The following MACROD2 variants were observed in gnomAD, a reference collection of about 807,000 sequenced individuals.
MACROD2 encodes the protein mono-ADP ribosylhydrolase 2.
In MACROD2, 36 loss-of-function variants were observed where a neutral mutation model predicts 70.4. The ratio of observed to expected loss-of-function variants is 0.51; its 90% CI spans 0.39 to 0.68. The LOEUF (loss-of-function observed/expected upper bound fraction) is 0.68, where lower values mean the gene tolerates loss of function less well. MACROD2 is among the 30% of genes least tolerant of loss of function. MACROD2 has a pLI of 0.00. For missense variants in MACROD2, 496 were observed against 538.4 expected, an observed-to-expected ratio of 0.92 and a Z score of 0.78; for synonymous variants, 172 against 178.8, an observed-to-expected ratio of 0.96 and a Z score of 0.30.
intron 15 of MACROD2, 79 bp downstream of exon 15, chr20:15,987,237 A>T: frequency 3.4e-6 from 4 of 1,159,828 alleles, no homozygotes; most frequent in Non-Finnish European, 5.0e-6. Context: ...CATCAAAGTT[A>T]TTCTCATGCA....
At chr20:14,969,727 T>C (rs965342620) in intron 5 of MACROD2, among the ~76,000 whole-genome samples, 2 of 152,180 alleles carry the variant, frequency 1.3e-5, no homozygotes, top group East Asian at 3.8e-4. Context: ...ATTTTTGAAG[T>C]CTTAAAGAGT....
intron 5 of MACROD2, among the ~76,000 whole-genome samples, chr20:14,721,278 AAAAG>A (rs2071466468): frequency 6.6e-6 from 1 of 151,760 alleles, no homozygotes; most frequent in East Asian, 1.9e-4. Context: ...AAAGAAAAGA[AAAAG>A]AAAAGAATCT....
intron 4 of MACROD2, among the ~76,000 whole-genome samples, chr20:14,680,461 T>C (rs2070918601): frequency 6.6e-6 from 1 of 152,196 alleles, no homozygotes; most frequent in South Asian, 2.1e-4. Flanking sequence ...GGATTTATCA[T>C]AGAACTTAAG....
At chr20:15,157,716 C>A (rs2076319379) in intron 5 of MACROD2, among the ~76,000 whole-genome samples, 1 of 152,098 alleles carries the variant, frequency 6.6e-6, no homozygotes, top group Admixed American at 6.5e-5. Flanking sequence ...CTGGGCTACC[C>A]CAGCCAATGG....
chr20:14,494,093 TA>T (rs1255981926), intron 4 of MACROD2: 13 of 152,112 alleles, frequency 8.5e-5, no homozygotes, highest in African/African-American at 2.9e-4. Context: ...TTTTTGATAC[TA>T]AAATCTTGTA....
intron 3 of MACROD2, among the ~76,000 whole-genome samples, chr20:14,215,337 T>TACACACACACACACAC (rs199684417): frequency 1.4e-4 from 18 of 131,090 alleles, no homozygotes; most frequent in Non-Finnish European, 1.9e-4. Flanking sequence ...CCATCATATA[T>TACACACACACACACAC]ACACACACAC....
intron 3 of MACROD2, among the ~76,000 whole-genome samples, chr20:14,285,238 C>G (rs558600730): frequency 2.6e-5 from 4 of 152,148 alleles, no homozygotes; most frequent in African/African-American, 9.7e-5. Flanking sequence ...AGACCCAAGT[C>G]TAAACACTTA....
At chr20:15,935,433 G>A (rs2065644001) in intron 11 of MACROD2, among the ~76,000 whole-genome samples, 1 of 152,158 alleles carries the variant, frequency 6.6e-6, no homozygotes, top group South Asian at 2.1e-4. Flanking sequence ...CCTAATCAGA[G>A]CTCAGAGAAA....
chr20:14,779,212 C>T (rs1796933697), intron 5 of MACROD2, among the ~76,000 whole-genome samples: 1 of 152,108 alleles, frequency 6.6e-6, no homozygotes, highest in African/African-American at 2.4e-5. Context: ...AGCACGTCCA[C>T]AGCAAATTAT....
intron 4 of MACROD2, among the ~76,000 whole-genome samples, chr20:14,586,805 T>TG (rs1426062077): frequency 6.6e-6 from 1 of 152,068 alleles, no homozygotes; most frequent in Non-Finnish European, 1.5e-5. Context: ...GCTTTTGTTC[T>TG]GTGTCACTGT....
intron 5 of MACROD2, among the ~76,000 whole-genome samples, chr20:15,203,830 CTA>C (rs2076678162): frequency 6.6e-6 from 1 of 151,894 alleles, no homozygotes; most frequent in Non-Finnish European, 1.5e-5. Flanking sequence ...TTTAAAAATC[CTA>C]TGTTAAATTA....
intron 5 of MACROD2, among the ~76,000 whole-genome samples, chr20:15,074,129 G>A (rs1232859977): frequency 1.3e-5 from 2 of 152,084 alleles, no homozygotes; most frequent in South Asian, 4.1e-4. Context: ...CTTTCTATAA[G>A]CTAATGAGTT....
chr20:14,922,486 T>TA (rs1245510315), intron 5 of MACROD2, among the ~76,000 whole-genome samples: 1 of 152,182 alleles, frequency 6.6e-6, no homozygotes, highest in Non-Finnish European at 1.5e-5. Context: ...TTGTTACATC[T>TA]AAAAAACAGT....
At chr20:15,206,089 A>C (rs563027540) in intron 5 of MACROD2, among the ~76,000 whole-genome samples, 1 of 152,302 alleles carries the variant, frequency 6.6e-6, no homozygotes, top group South Asian at 2.1e-4. Flanking sequence ...TGTGATGACA[A>C]GCAAAAGTAA....
intron 4 of MACROD2, among the ~76,000 whole-genome samples, chr20:14,684,485 AGTG>A (rs1335111384): frequency 6.6e-6 from 1 of 152,140 alleles, no homozygotes; most frequent in African/African-American, 2.4e-5. Flanking sequence ...CCCTGTGTTC[AGTG>A]ACATCAAGTT....
Position 14,650,363 on chromosome 20 carries a change from A to G in MACROD2, c.302-34480A>G, listed in dbSNP as rs542886411. Among the ~76,000 whole-genome samples, 7 of 152,336 alleles carry G rather than the reference A, an allele frequency of 4.6e-5. No homozygotes were observed. The South Asian group carries it at 1.5e-3, about 32-fold the overall frequency. ...TTCTTATTTTGTTCAGGTCTAAATGAAATTGATCTTGATCTATTACTTTAC... is the reference window on the plus strand; with the variant it reads ...TTCTTATTTTGTTCAGGTCTAAATGGAATTGATCTTGATCTATTACTTTAC... On this transcript the variant is annotated intron_variant, in intron 4 of 17. Coordinates refer to ENST00000684519, the MANE Select transcript of MACROD2 (RefSeq NM_001351661.2).
rs991354188 is a variant in MACROD2, at chr20:14,461,510, TTTA to T, written c.272-31964_272-31962del. Among the ~76,000 whole-genome samples, 15 of 151,958 alleles carry T rather than the reference TTTA, an allele frequency of 9.9e-5. 1 individual carries two copies. The highest frequency in any genetic ancestry group is 1.6e-4 in the Non-Finnish European group (11 of 67,992). On this transcript the variant is annotated intron_variant, in intron 3 of 17. Coordinates refer to ENST00000684519, the MANE Select transcript of MACROD2 (RefSeq NM_001351661.2). ...CTGTTACTTCTCTAGGTCTTTTTTTTTTATTATACTTTAAGTTTTAGGATACAT... is the reference window on the plus strand; with the variant it reads ...CTGTTACTTCTCTAGGTCTTTTTTTTTTATACTTTAAGTTTTAGGATACAT...
chr20:14,513,039 A>G (rs890013628), intron 4 of MACROD2, among the ~76,000 whole-genome samples: 2 of 152,122 alleles, frequency 1.3e-5, no homozygotes, highest in East Asian at 1.9e-4. Flanking sequence ...GGCTCTGCCA[A>G]CTTGGCAAGA....
intron 5 of MACROD2, among the ~76,000 whole-genome samples, chr20:14,698,657 C>T (rs1394211161): frequency 1.3e-5 from 2 of 151,448 alleles, no homozygotes; most frequent in Non-Finnish European, 2.9e-5. Flanking sequence ...AAAGTGAGGA[C>T]TGCATTCACT....
Sources: allele counts gnomAD v4.1 joint callset (sites outside exome capture counted in the v4.1 genomes callset), GRCh38; gene constraint gnomAD v4.1.1; transcripts MANE v1.5; gene names NCBI Gene and HGNC (gene_info 2026-07-23, HGNC 2026-07-21).